STXBP5L: variants seen among roughly 807,000 people sequenced by gnomAD.
STXBP5L encodes syntaxin binding protein 5L, also known as syntaxin-binding protein 5-like.
STXBP5L carries 65 observed loss-of-function variants against 144.5 expected under a neutral mutation model. That is an observed-to-expected ratio of 0.45 (90% CI 0.37 to 0.55). The LOEUF is 0.55. Ranked by LOEUF, STXBP5L falls within the 20% of genes least tolerant of loss-of-function variation. STXBP5L has a pLI of 0.00. For synonymous variants in STXBP5L, 505 were observed against 469.6 expected (o/e 1.08, Z -0.97); for missense variants, 1,298 against 1,405.5 (o/e 0.92, Z 1.22).
At chr3:121,403,387 G>T (rs2046927249) in intron 22 of STXBP5L, among the ~76,000 whole-genome samples, 1 of 152,040 alleles carries the variant, frequency 6.6e-6, no homozygotes, top group African/African-American at 2.4e-5. Context: ...GACTCTGTTT[G>T]TACACTAGAC....
chr3:121,241,533 A>G (rs567157376), intron 14 of STXBP5L, among the ~76,000 whole-genome samples: 3 of 152,138 alleles, frequency 2.0e-5, no homozygotes, highest in Admixed American at 2.0e-4. Context: ...CAACTTCCCC[A>G]GAGTGTCAGA....
rs751270078 is a variant in STXBP5L at position 121,233,631 on chromosome 3, A to G, written c.1127A>G (p.Tyr376Cys). 1.2e-6 allele frequency: 2 copies of G among 1,612,248 alleles called. No individual in the cohort carries two copies. Among genetic ancestry groups the G allele is most frequent in the East Asian group, 4.5e-5 (2 of 44,728 alleles). ...TTACTTGTAGAATTTCAAGAACCCTATGCTGTCGTGGTACTTCTGGAGAAA... is the reference window on the plus strand; with the variant it reads ...TTACTTGTAGAATTTCAAGAACCCTGTGCTGTCGTGGTACTTCTGGAGAAA... ...TPYPNEFQEP[Y>C]AVVVLLEKDL... The change falls in exon 12 of 27, where the codon TAT (tyrosine) becomes TGT (cysteine). Residue 376 changes from tyrosine to cysteine, a missense_variant. Transcript: ENST00000471454.
chr3:121,360,828 C>T (rs1342043302), intron 20 of STXBP5L, among the ~76,000 whole-genome samples: 3 of 151,924 alleles, frequency 2.0e-5, no homozygotes, highest in African/African-American at 7.2e-5. Context: ...GTTTACACAC[C>T]ACAGTTACAG....
chr3:121,079,890 TTGA>T (rs1189065392), intron 5 of STXBP5L, among the ~76,000 whole-genome samples: 46 of 152,222 alleles, frequency 3.0e-4, no homozygotes, highest in Admixed American at 1.2e-3. Flanking sequence ...ACTCTCTGTC[TTGA>T]TGATCTGTCT....
At chr3:121,213,478 G>C (rs1209005565) in intron 10 of STXBP5L, among the ~76,000 whole-genome samples, 6 of 152,136 alleles carry the variant, frequency 3.9e-5, no homozygotes, top group Non-Finnish European at 7.3e-5. Context: ...TGAGGTTTTT[G>C]TCATTAGTTA....
intron 9 of STXBP5L, among the ~76,000 whole-genome samples, chr3:121,197,824 C>G (rs1364984309): frequency 6.6e-6 from 1 of 152,176 alleles, no homozygotes; most frequent in Non-Finnish European, 1.5e-5. Context: ...AGGACATGAA[C>G]TCATTCTATT....
intron 20 of STXBP5L, among the ~76,000 whole-genome samples, chr3:121,373,480 A>G (rs770751237): frequency 1.9e-4 from 29 of 152,260 alleles, no homozygotes; most frequent in Non-Finnish European, 3.5e-4. Flanking sequence ...ACACCAAACT[A>G]CATCCCGCCC....
intron 20 of STXBP5L, among the ~76,000 whole-genome samples, chr3:121,349,840 G>A (rs1388461777): frequency 6.6e-6 from 1 of 151,868 alleles, no homozygotes; most frequent in East Asian, 1.9e-4. Context: ...TTTATTTTGA[G>A]CCTATGTCTG....
chr3:121,284,597 G>A (rs338986), intron 19 of STXBP5L, among the ~76,000 whole-genome samples: 113,712 of 151,934 alleles, frequency 0.75, 42,710 homozygotes, highest in East Asian at 0.93. Context: ...AAGTCACAAG[G>A]TCTCTATGTA....
intron 3 of STXBP5L, among the ~76,000 whole-genome samples, chr3:121,002,000 A>G (rs1167112746): frequency 2.6e-5 from 4 of 152,232 alleles, no homozygotes; most frequent in South Asian, 2.1e-4. Flanking sequence ...GCTATAATGA[A>G]TAATGCTTTA....
intron 20 of STXBP5L, among the ~76,000 whole-genome samples, chr3:121,337,460 G>C (rs1156734534): frequency 1.8e-5 from 2 of 111,978 alleles, no homozygotes; most frequent in African/African-American, 7.2e-5. Flanking sequence ...AAAAAAAAAA[G>C]TCATTATATA....
intron 3 of STXBP5L, among the ~76,000 whole-genome samples, chr3:121,001,002 G>A (rs1003103501): frequency 4.6e-5 from 7 of 152,146 alleles, no homozygotes; most frequent in Middle Eastern, 6.3e-3. Context: ...CGGGGTGGCG[G>A]GGGGAAGGGG....
intron 20 of STXBP5L, among the ~76,000 whole-genome samples, chr3:121,361,815 G>A (rs1357256812): frequency 1.3e-5 from 2 of 151,826 alleles, no homozygotes; most frequent in East Asian, 1.9e-4. Flanking sequence ...TAATTCATTT[G>A]GTGAAGTCAT....
intron 19 of STXBP5L, among the ~76,000 whole-genome samples, chr3:121,308,349 CTG>C (rs2043413456): frequency 6.6e-6 from 1 of 152,232 alleles, no homozygotes; most frequent in Non-Finnish European, 1.5e-5. Context: ...TAAACAAAAA[CTG>C]AGAGAATTTA....
In STXBP5L at chr3:121,062,801, T is replaced by C. The variant is rs144744867; in HGVS notation, c.470+17266T>C. Among the ~76,000 whole-genome samples the C allele has an allele frequency of 5.2e-5, 8 of 152,384 alleles. No individual in the cohort carries two copies. In the East Asian group the frequency reaches 1.5e-3, roughly 29 times the overall value. On this transcript the variant is annotated intron_variant, in intron 5 of 26. Transcript: ENST00000471454. ...CTTTCTTCCGCCTGATTGATTTGTC[T>C]ATTGATACTTGTATATGCTTCACAA...
At chr3:121,278,291 C>A (rs2050946584) in intron 18 of STXBP5L, among the ~76,000 whole-genome samples, 1 of 151,906 alleles carries the variant, frequency 6.6e-6, no homozygotes, top group Non-Finnish European at 1.5e-5. Flanking sequence ...TTTTTGCCCA[C>A]TTTTCTAGTA....
intron 2 of STXBP5L, among the ~76,000 whole-genome samples, chr3:120,944,160 G>T (rs1349776534): frequency 1.3e-5 from 2 of 150,928 alleles, no homozygotes; most frequent in Non-Finnish European, 3.0e-5. Context: ...GTGTAATGGG[G>T]GTAGGTGAGA....
At chr3:121,295,586 GTA>G (rs2051618265) in intron 19 of STXBP5L, among the ~76,000 whole-genome samples, 2 of 152,108 alleles carry the variant, frequency 1.3e-5, no homozygotes, top group Admixed American at 6.6e-5. Context: ...TTACCTAGCA[GTA>G]TGTGTGAATT....
At chr3:121,243,434 T>C (rs1449074585) in intron 14 of STXBP5L, among the ~76,000 whole-genome samples, 3 of 151,998 alleles carry the variant, frequency 2.0e-5, no homozygotes, top group Middle Eastern at 3.2e-3. Context: ...TTATGAAAAA[T>C]GTTCCCTGTA....
Sources: gnomAD v4.1 joint callset for allele counts (sites outside exome capture counted in the v4.1 genomes callset) on GRCh38, gnomAD v4.1.1 for gene constraint, MANE v1.5 for transcripts, NCBI Gene and HGNC (gene_info 2026-07-23, HGNC 2026-07-21) for gene names.